The following HDLBP variants were observed in gnomAD, a reference collection of about 807,000 sequenced individuals.
HDLBP encodes vigilin.
HDLBP carries 30 observed loss-of-function variants against 137.3 expected under a neutral mutation model. The ratio of observed to expected loss-of-function variants is 0.22; its 90% CI spans 0.16 to 0.30. The LOEUF (loss-of-function observed/expected upper bound fraction) is 0.30, where lower values mean the gene tolerates loss of function less well. Ranked by LOEUF, HDLBP falls within the 10% of genes least tolerant of loss-of-function variation. HDLBP has a pLI of 1.00. For missense variants in HDLBP, 1,119 were observed against 1,667.3 expected (o/e 0.67, Z 5.73); for synonymous variants, 606 against 596.0 (o/e 1.02, Z -0.24).
intron 9 of HDLBP, among the ~76,000 whole-genome samples, 181 bp from the exon 10 acceptor site, chr2:241,253,678 T>C (rs2072386225): frequency 6.6e-6 from 1 of 152,110 alleles, no homozygotes; most frequent in South Asian, 2.1e-4. Flanking sequence ...TAGGGAGCCA[T>C]AGTCAGGAAA....
At chr2:241,236,409 C>T (rs1044277104) in intron 21 of HDLBP, 2 of 597,222 alleles carry the variant, frequency 3.3e-6, no homozygotes, top group Admixed American at 6.1e-5. Context: ...CTATAGAACC[C>T]CGAGCCTTGG....
intron 1 of HDLBP, among the ~76,000 whole-genome samples, chr2:241,309,105 A>T (rs2075681193): frequency 6.6e-6 from 1 of 152,172 alleles, no homozygotes; most frequent in African/African-American, 2.4e-5. Flanking sequence ...CTCAAGTTTG[A>T]ATCAACTGTC....
At chr2:241,300,226 C>G (rs2075345365) in intron 1 of HDLBP, among the ~76,000 whole-genome samples, 2 of 151,982 alleles carry the variant, frequency 1.3e-5, no homozygotes, top group African/African-American at 4.8e-5. Flanking sequence ...CCAGTTCTTC[C>G]TAGTAGAAGG....
At chr2:241,305,810 A>T (rs2075549538) in intron 1 of HDLBP, among the ~76,000 whole-genome samples, 1 of 144,148 alleles carries the variant, frequency 6.9e-6, no homozygotes, top group African/African-American at 2.6e-5. Context: ...CCCAGGCTGG[A>T]GTGCAGTGGC....
chr2:241,228,175 A>C lies in HDLBP; in HGVS notation c.*1426T>G, dbSNP rs866365229. On this transcript the variant is annotated 3_prime_UTR_variant, in exon 28 of 28. Coordinates refer to ENST00000310931, the MANE Select transcript of HDLBP (RefSeq NM_005336.6). ...GCTGTGAGATGGATGGGCGTGAGTC[A>C]GCTTTTCCAAAACTCAAGTACCTGG... 1 of 152,276 alleles carries C rather than the reference A, an allele frequency of 6.6e-6. No homozygotes were observed. The highest frequency in any genetic ancestry group is 1.5e-5 in the Non-Finnish European group (1 of 68,084). The allele number at this position is 152,276 out of a possible 1,614,324, so 9.4% of individuals were successfully genotyped here.
intron 1 of HDLBP, chr2:241,315,209 G>A (rs1193123420): frequency 6.6e-6 from 1 of 152,158 alleles, no homozygotes; most frequent in Non-Finnish European, 1.5e-5. Flanking sequence ...TCCCCGGGGA[G>A]GGACGCCCGA....
intron 1 of HDLBP, among the ~76,000 whole-genome samples, chr2:241,271,693 T>G (rs753102087): frequency 5.9e-5 from 9 of 152,004 alleles, no homozygotes; most frequent in South Asian, 2.1e-4. Flanking sequence ...GACCCGCAAG[T>G]GCTTTAAAGC....
Position 241,239,815 on chromosome 2 carries a change from A to G in HDLBP, c.2397T>C (p.Asn799=). The G allele has an allele frequency of 6.2e-7, 1 of 1,613,730 alleles. No individual in the cohort carries two copies. The highest frequency in any genetic ancestry group is 8.5e-7 in the Non-Finnish European group (1 of 1,179,914). Residue 799 remains asparagine (N), a synonymous_variant, in exon 19 of 28, where the codon AAT becomes AAC. Transcript: ENST00000310931. The surrounding 1 kb of genome is among the most constrained non-coding windows in gnomAD (Gnocchi z 4.6). ...CCACCAGCATGGAGTCTTCCACCAC[A>G]TTATCCTGCAGTGTTAAGAAGAGAT... ...ELEALIQNLD[N]VVEDSMLVDP...
At chr2:241,235,438 G>T in intron 22 of HDLBP, 52 bp downstream of exon 22, 1 of 1,485,826 alleles carries the variant, frequency 6.7e-7, no homozygotes, top group Non-Finnish European at 9.4e-7. Context: ...GCACTCGGGA[G>T]AGGATGCGAC....
intron 1 of HDLBP, among the ~76,000 whole-genome samples, chr2:241,290,077 A>G (rs1284929949): frequency 1.3e-5 from 2 of 152,246 alleles, no homozygotes; most frequent in African/African-American, 4.8e-5. Flanking sequence ...GCCTCCATAC[A>G]CTACTATGCA....
intron 7 of HDLBP, among the ~76,000 whole-genome samples, chr2:241,255,932 C>G (rs74664422): frequency 6.6e-6 from 1 of 152,190 alleles, no homozygotes. Context: ...GCATCTGACC[C>G]GGGGCAGCCC....
intron 5 of HDLBP, among the ~76,000 whole-genome samples, chr2:241,259,303 G>A (rs1054804219): frequency 3.3e-5 from 5 of 152,172 alleles, no homozygotes; most frequent in African/African-American, 1.2e-4. Flanking sequence ...GCCTGCAAAG[G>A]TGAGGAGGGA....
chr2:241,264,749 T>C, intron 3 of HDLBP, 144 bp from the exon 4 acceptor site: 2 of 765,996 alleles, frequency 2.6e-6, no homozygotes, highest in South Asian at 3.9e-5. Flanking sequence ...TCTCTTCTAA[T>C]TCATAGTGAT....
chr2:241,313,042 C>T (rs950774204), intron 1 of HDLBP, among the ~76,000 whole-genome samples: 1 of 152,184 alleles, frequency 6.6e-6, no homozygotes, highest in African/African-American at 2.4e-5. Context: ...CTTTCCTAGT[C>T]TTCCTGTCCA....
At position 241,272,660 on chromosome 2, in the gene HDLBP, GGCCTCCACGTCAGCA is replaced by G; in HGVS notation, c.-102-4134_-102-4120del. 1.1e-6 allele frequency: 1 copy of G among 911,198 alleles called. No homozygotes were observed. Among genetic ancestry groups the G allele is most frequent in the Non-Finnish European group, 1.3e-6 (1 of 774,264 alleles). 56.4% of individuals were successfully genotyped at this position (911,198 alleles called of 1,614,324 possible). A position where few individuals can be genotyped will look rare whatever the true frequency, so the allele number is the denominator to read the frequency against. On this transcript the variant is annotated intron_variant, in intron 1 of 27. Coordinates refer to ENST00000310931, the MANE Select transcript of HDLBP (RefSeq NM_005336.6). The surrounding 1 kb of genome is among the most constrained non-coding windows in gnomAD (Gnocchi z 5.6). ...GGCACCCGGGCCCCTCCCCCTCCGC[GGCCTCCACGTCAGCA>G]GCCACCCCCCACCCCCCCGCCCGGC... is the stretch of plus-strand genomic sequence containing the variant.
intron 1 of HDLBP, among the ~76,000 whole-genome samples, chr2:241,301,875 T>G (rs1273654218): frequency 6.6e-6 from 1 of 152,034 alleles, no homozygotes; most frequent in Non-Finnish European, 1.5e-5. Context: ...AAGGAAGCCC[T>G]AAGGGGTAAA....
intron 1 of HDLBP, among the ~76,000 whole-genome samples, chr2:241,303,040 T>C (rs1361619003): frequency 6.6e-6 from 1 of 152,146 alleles, no homozygotes; most frequent in Non-Finnish European, 1.5e-5. Flanking sequence ...AACCACTAAA[T>C]TCACACCGCA....
intron 1 of HDLBP, among the ~76,000 whole-genome samples, chr2:241,278,898 G>A (rs2074494056): frequency 6.6e-6 from 1 of 151,718 alleles, no homozygotes; most frequent in African/African-American, 2.4e-5. Context: ...GGTGATGCAT[G>A]CCTGTAGTCC....
At chr2:241,236,313 C>G (rs1574856105) in intron 21 of HDLBP, 6 of 399,382 alleles carry the variant, frequency 1.5e-5, no homozygotes, top group Middle Eastern at 6.9e-4. Flanking sequence ...TCACATTCAT[C>G]CCCCTGCAGC....
Sources: gnomAD v4.1 joint callset for allele counts (sites outside exome capture counted in the v4.1 genomes callset) on GRCh38, gnomAD v4.1.1 for gene constraint, Gnocchi (gnomAD v3.1) non-coding constraint, MANE v1.5 for transcripts, NCBI Gene and HGNC (gene_info 2026-07-23, HGNC 2026-07-21) for gene names.